The following RSPO3 variants were observed in gnomAD, a reference collection of about 807,000 sequenced individuals.
RSPO3 encodes the protein R-spondin-3.
Under a neutral mutation model 36.5 loss-of-function variants are expected in RSPO3, and 17 were observed. That is an observed-to-expected ratio of 0.47 (90% CI 0.32 to 0.70). The LOEUF is 0.70. RSPO3 is among the 30% of genes least tolerant of loss of function. The probability of loss-of-function intolerance (pLI) is 0.04; values close to 1 mark genes in which losing one functional copy is unlikely to be tolerated. For synonymous variants in RSPO3, 108 were observed against 107.0 expected, an observed-to-expected ratio of 1.01 and a Z score of -0.06; for missense variants, 294 against 322.5, an observed-to-expected ratio of 0.91 and a Z score of 0.68.
chr6:127,158,212 A>T (rs556828018), intron 4 of RSPO3, among the ~76,000 whole-genome samples: 10 of 152,160 alleles, frequency 6.6e-5, no homozygotes, highest in Admixed American at 3.3e-4. Context: ...CATTAGAAAC[A>T]TTTAATCAAC....
chr6:127,192,252 T>C (rs1775426318), intron 4 of RSPO3, among the ~76,000 whole-genome samples: 1 of 152,202 alleles, frequency 6.6e-6, no homozygotes, highest in Admixed American at 6.5e-5. Context: ...CCAGGTTTTA[T>C]CACACATTTT....
chr6:127,154,673 C>T (rs1774558225), intron 3 of RSPO3, among the ~76,000 whole-genome samples: 3 of 152,288 alleles, frequency 2.0e-5, no homozygotes, highest in Admixed American at 1.3e-4. Context: ...TTCTCTAACA[C>T]AGAGGTTCTC....
chr6:127,153,857 G>C (rs1390330780), intron 3 of RSPO3, among the ~76,000 whole-genome samples: 1 of 151,952 alleles, frequency 6.6e-6, no homozygotes, highest in African/African-American at 2.4e-5. Context: ...ATTAATATCA[G>C]AATGGGATGC....
At chr6:127,185,769 C>A (rs1301916181) in intron 4 of RSPO3, among the ~76,000 whole-genome samples, 1 of 152,008 alleles carries the variant, frequency 6.6e-6, no homozygotes, top group Non-Finnish European at 1.5e-5. Flanking sequence ...AATTAGACAG[C>A]ACAGTCAACT....
chr6:127,170,107 T>G (rs1774906206), intron 4 of RSPO3, among the ~76,000 whole-genome samples: 1 of 151,676 alleles, frequency 6.6e-6, no homozygotes, highest in African/African-American at 2.4e-5. Flanking sequence ...TAAAAAAAAA[T>G]GTAAGTAGGA....
At chr6:127,139,063 A>G (rs1774217341) in intron 1 of RSPO3, among the ~76,000 whole-genome samples, 2 of 152,194 alleles carry the variant, frequency 1.3e-5, no homozygotes, top group African/African-American at 2.4e-5. Context: ...TTCTTCTTCA[A>G]TTCCGTTAGC....
chr6:127,190,815 A>C (rs904288926), intron 4 of RSPO3, among the ~76,000 whole-genome samples: 1 of 152,202 alleles, frequency 6.6e-6, no homozygotes, highest in African/African-American at 2.4e-5. Context: ...AGCTTTTATG[A>C]AGACCTATAG....
intron 4 of RSPO3, among the ~76,000 whole-genome samples, chr6:127,176,823 A>C (rs1775065959): frequency 6.6e-6 from 1 of 151,812 alleles, no homozygotes; most frequent in African/African-American, 2.4e-5. Flanking sequence ...AATATTGAGG[A>C]AAATGTTTGG....
At chr6:127,178,080 G>A (rs180875382) in intron 4 of RSPO3, among the ~76,000 whole-genome samples, 26 of 151,842 alleles carry the variant, frequency 1.7e-4, no homozygotes, top group African/African-American at 5.8e-4. Context: ...TGCAGTATAT[G>A]AGAGATCCTT....
chr6:127,163,759 A>G (rs1282288171), intron 4 of RSPO3, among the ~76,000 whole-genome samples: 1 of 152,114 alleles, frequency 6.6e-6, no homozygotes, highest in African/African-American at 2.4e-5. Context: ...TTATCTCTCA[A>G]TGATAGTCCT....
intron 1 of RSPO3, among the ~76,000 whole-genome samples, chr6:127,142,189 AATT>A (rs1774286036): frequency 6.6e-6 from 1 of 152,174 alleles, no homozygotes; most frequent in Non-Finnish European, 1.5e-5. Context: ...CCAAATAAGT[AATT>A]ATATTTATTC....
intron 4 of RSPO3, among the ~76,000 whole-genome samples, chr6:127,187,106 G>A (rs1278703066): frequency 6.6e-6 from 1 of 152,172 alleles, no homozygotes; most frequent in East Asian, 1.9e-4. Context: ...GGGCGCCAGC[G>A]GGCATGGTGG....
chr6:127,155,534 T>C (rs1227175981), intron 4 of RSPO3, 96 bp downstream of exon 4: 8 of 1,131,760 alleles, frequency 7.1e-6, no homozygotes, highest in South Asian at 1.4e-5. Context: ...TTATCTTTCA[T>C]GCCTAATATC....
intron 4 of RSPO3, among the ~76,000 whole-genome samples, chr6:127,171,016 T>C (rs768648570): frequency 3.3e-5 from 5 of 151,642 alleles, no homozygotes; most frequent in Non-Finnish European, 7.4e-5. Flanking sequence ...CACTTAAAAA[T>C]GGTTAAGGTA....
chr6:127,136,672 C>A (rs759730653), intron 1 of RSPO3, among the ~76,000 whole-genome samples: 9 of 152,110 alleles, frequency 5.9e-5, no homozygotes, highest in Non-Finnish European at 1.2e-4. Flanking sequence ...TATGGTATCA[C>A]AAGGTTGGTA....
Position 127,196,638 on chromosome 6 carries a change from T to C in RSPO3, c.*631T>C, listed in dbSNP as rs141368676. ...CCATATGGGATTGGAGAAAGACAAATGTGGAAGAAATCATAGAGCTGGAGA... is the reference window on the plus strand; with the variant it reads ...CCATATGGGATTGGAGAAAGACAAACGTGGAAGAAATCATAGAGCTGGAGA... On this transcript the variant is annotated 3_prime_UTR_variant, in exon 5 of 5. Transcript: ENST00000356698. 63 of 152,280 alleles carry C rather than the reference T, an allele frequency of 4.1e-4. No homozygotes were observed. Among genetic ancestry groups the C allele is most frequent in the African/African-American group, 1.4e-3 (60 of 41,564 alleles). 9.4% of individuals were successfully genotyped at this position (152,280 alleles called of 1,614,324 possible).
intron 2 of RSPO3, 44 bp downstream of exon 2, chr6:127,148,883 A>G (rs1477210313): frequency 1.4e-6 from 2 of 1,476,740 alleles, no homozygotes; most frequent in Non-Finnish European, 1.9e-6. Flanking sequence ...ATCTTTGGTG[A>G]CTTTTCCAGA....
At chr6:127,176,636 T>G (rs146788733) in intron 4 of RSPO3, among the ~76,000 whole-genome samples, 159 of 151,808 alleles carry the variant, frequency 1.0e-3, no homozygotes, top group African/African-American at 3.6e-3. Flanking sequence ...CTTCATTTTA[T>G]GTGTCAACAG....
chr6:127,121,763 T>C (rs532701071), intron 1 of RSPO3, among the ~76,000 whole-genome samples: 5 of 152,316 alleles, frequency 3.3e-5, no homozygotes, highest in African/African-American at 1.2e-4. Context: ...AACAAAAAGA[T>C]TCAATTCACA....
Sources: allele counts gnomAD v4.1 joint callset (sites outside exome capture counted in the v4.1 genomes callset), GRCh38; gene constraint gnomAD v4.1.1; transcripts MANE v1.5; gene names NCBI Gene and HGNC (gene_info 2026-07-23, HGNC 2026-07-21).